The following EMCN variants were observed in gnomAD, a reference collection of about 807,000 sequenced individuals.
EMCN encodes MUC-14.
A neutral mutation model predicts 38.4 loss-of-function variants in EMCN; 37 were observed. That is an observed-to-expected ratio of 0.96 (90% CI 0.74 to 1.27). The LOEUF (loss-of-function observed/expected upper bound fraction) is 1.27, where lower values mean the gene tolerates loss of function less well. Ranked by LOEUF, EMCN falls within the 50% of genes most tolerant of loss-of-function variation. The pLI, the probability that EMCN is intolerant of heterozygous loss-of-function variation, is 0.00. For missense variants in EMCN, 318 were observed against 302.8 expected (o/e 1.05, Z -0.37); for synonymous variants, 95 against 100.8 (o/e 0.94, Z 0.35).
chr4:100,456,172 G>A (rs1323988356), intron 4 of EMCN, among the ~76,000 whole-genome samples: 3 of 151,674 alleles, frequency 2.0e-5, no homozygotes, highest in Non-Finnish European at 4.4e-5. Flanking sequence ...AGGCCCCTGG[G>A]GTGTCCCACA....
chr4:100,410,108 T>C (rs1185948031), intron 11 of EMCN, among the ~76,000 whole-genome samples, 174 bp downstream of exon 11: 2 of 152,216 alleles, frequency 1.3e-5, no homozygotes, highest in Non-Finnish European at 2.9e-5. Flanking sequence ...AGGTCATTCA[T>C]TTTTTGGCAA....
chr4:100,442,179 A>T (rs546416060), intron 5 of EMCN, among the ~76,000 whole-genome samples: 30 of 152,280 alleles, frequency 2.0e-4, no homozygotes, highest in Non-Finnish European at 3.4e-4. Context: ...TTGGCTAGCA[A>T]TGCTTTTGTT....
intron 2 of EMCN, among the ~76,000 whole-genome samples, chr4:100,478,834 C>A (rs3775360): frequency 1.3e-5 from 2 of 151,986 alleles, no homozygotes; most frequent in Non-Finnish European, 2.9e-5. Context: ...TAATATAAAT[C>A]AGTGAAAGTG....
In EMCN at chr4:100,448,804, C is replaced by T. The variant is rs201159559; in HGVS notation, c.377-1233G>A. Among the ~76,000 whole-genome samples the T allele has an allele frequency of 1.7e-3, 217 of 124,026 alleles. 34 individuals are homozygous for T. The highest frequency in any genetic ancestry group is 8.5e-3 in the African/African-American group (204 of 24,072). The allele number at this position is 124,026 out of a possible 152,430, so 81.4% of individuals were successfully genotyped here. On this transcript the variant is annotated intron_variant, in intron 4 of 11. Transcript: ENST00000296420. ...CCTTTCTGCCTTGAAGTCTTCCTTC[C>T]TTCCTTCCTTCCTTCCTTCCTCCCT...
intron 10 of EMCN, among the ~76,000 whole-genome samples, chr4:100,410,840 C>T (rs749445036): frequency 2.6e-5 from 4 of 152,150 alleles, no homozygotes; most frequent in East Asian, 3.9e-4. Flanking sequence ...TACAGAGCAG[C>T]GCAGGTGCCA....
At chr4:100,437,260 A>AT (rs1363616474) in intron 5 of EMCN, among the ~76,000 whole-genome samples, 4 of 151,978 alleles carry the variant, frequency 2.6e-5, no homozygotes, top group Admixed American at 2.6e-4. Flanking sequence ...TATTTTGCCC[A>AT]TTTTTTAATC....
Position 100,409,820 on chromosome 4 carries a change from T to C in EMCN, c.*39+462A>G, listed in dbSNP as rs116362750. Among the ~76,000 whole-genome samples the C allele has an allele frequency of 7.5e-3, 1,147 of 152,342 alleles. 17 individuals are homozygous for C. Among genetic ancestry groups the C allele is most frequent in the African/African-American group, 0.025 (1,047 of 41,576 alleles). On this transcript the variant is annotated intron_variant, in intron 11 of 11. Coordinates refer to ENST00000296420, the MANE Select transcript of EMCN (RefSeq NM_016242.4). ...ACTAGCTTCTCTGAACCCATTTCCC[T>C]GAGCCAGCCTACGGCTGTGATACAC...
At position 100,417,121 on chromosome 4, in the gene EMCN, C is replaced by G. The variant is rs1349130798; in HGVS notation, c.685G>C (p.Asp229His). The G allele has an allele frequency of 9.9e-6, 16 of 1,613,598 alleles. 1 individual carries two copies. The South Asian group carries it at 1.8e-4, about 18-fold the overall frequency. The change falls in exon 9 of 12, where the codon GAT becomes CAT. Residue 229 changes from aspartate to histidine, a missense_variant. Transcript: ENST00000296420. ...ADPGTPENGN[D>H]QPQSDKESVK... ...AGATGATATGGGCTTACTTACTGAT[C>G]ATTTCCATTTTCTGGTGTGCCTAGG...
intron 8 of EMCN, among the ~76,000 whole-genome samples, chr4:100,420,871 T>C (rs907909218): frequency 9.2e-5 from 14 of 151,996 alleles, no homozygotes; most frequent in Admixed American, 2.6e-4. Flanking sequence ...GGAGGGAAAT[T>C]AGTCACGGGA....
At chr4:100,484,200 T>C (rs2110285206) in intron 1 of EMCN, among the ~76,000 whole-genome samples, 1 of 152,278 alleles carries the variant, frequency 6.6e-6, no homozygotes, top group East Asian at 1.9e-4. Flanking sequence ...GAAATAGTTC[T>C]GTATTCTCTG....
At chr4:100,422,892 T>A in intron 7 of EMCN, 129 bp downstream of exon 7, 1 of 788,956 alleles carries the variant, frequency 1.3e-6, no homozygotes, top group East Asian at 2.7e-5. Flanking sequence ...TTAGATGGGA[T>A]TGTAATGGGA....
chr4:100,404,429 C>G (rs1726340678), intron 11 of EMCN, among the ~76,000 whole-genome samples: 1 of 152,072 alleles, frequency 6.6e-6, no homozygotes. Flanking sequence ...GTTTTTGTAC[C>G]AGTATCATAC....
intron 3 of EMCN, among the ~76,000 whole-genome samples, chr4:100,473,581 A>G (rs1728555641): frequency 6.6e-6 from 1 of 151,774 alleles, no homozygotes; most frequent in Non-Finnish European, 1.5e-5. Context: ...GCATTCAAGA[A>G]GTTCAAGAAG....
intron 1 of EMCN, chr4:100,483,468 G>A (rs1002017541): frequency 2.0e-5 from 3 of 151,864 alleles, no homozygotes; most frequent in Non-Finnish European, 4.4e-5. Flanking sequence ...ACTACAATGA[G>A]GAAATAGACA....
intron 1 of EMCN, among the ~76,000 whole-genome samples, chr4:100,494,448 A>T (rs1170954654): frequency 6.6e-6 from 1 of 152,144 alleles, no homozygotes; most frequent in Non-Finnish European, 1.5e-5. Flanking sequence ...CAGTGGGAGA[A>T]ATCAGGAAAT....
chr4:100,477,078 G>A (rs566226455), intron 2 of EMCN, among the ~76,000 whole-genome samples: 1 of 152,262 alleles, frequency 6.6e-6, no homozygotes, highest in African/African-American at 2.4e-5. Context: ...GTGGCCAAAA[G>A]CATCAGGCTC....
rs534655841 is a variant in EMCN at position 100,484,417 on chromosome 4, T to C, written c.65-4378A>G. 8.5e-5 allele frequency among the ~76,000 whole-genome samples: 13 copies of C among 152,314 alleles called. No individual in the cohort carries two copies. The South Asian group carries it at 2.7e-3, about 32-fold the overall frequency. ...TTTTAGATAATTGTCAAATAGTCAC[T>C]AAAAGGTTTTTGTTTAAAGGGACAG... On this transcript the variant is annotated intron_variant, in intron 1 of 11. Transcript: ENST00000296420.
chr4:100,491,032 G>T (rs1578229291), intron 1 of EMCN, among the ~76,000 whole-genome samples: 2 of 152,038 alleles, frequency 1.3e-5, no homozygotes, highest in Non-Finnish European at 2.9e-5. Context: ...CTATAGAGTT[G>T]TTTGAGTTTC....
intron 4 of EMCN, among the ~76,000 whole-genome samples, chr4:100,457,284 C>G (rs1455723355): frequency 1.3e-5 from 2 of 151,792 alleles, no homozygotes; most frequent in African/African-American, 4.8e-5. Context: ...ACTTCCTTCT[C>G]TATATGACTG....
Sources: gnomAD v4.1 joint callset for allele counts (sites outside exome capture counted in the v4.1 genomes callset) on GRCh38, gnomAD v4.1.1 for gene constraint, MANE v1.5 for transcripts, NCBI Gene and HGNC (gene_info 2026-07-23, HGNC 2026-07-21) for gene names.